The following PTPRT variants were observed in gnomAD, a reference collection of about 807,000 sequenced individuals.
The protein encoded by PTPRT is protein tyrosine phosphatase receptor type T.
PTPRT carries 56 observed loss-of-function variants against 176.8 expected under a neutral mutation model. That is an observed-to-expected ratio of 0.32 (90% CI 0.26 to 0.40). The LOEUF (loss-of-function observed/expected upper bound fraction) is 0.40, where lower values mean the gene tolerates loss of function less well. Among genes scored for constraint, PTPRT ranks in the 10% least tolerant of loss-of-function variants. PTPRT has a pLI of 1.00. For synonymous variants in PTPRT, 783 were observed against 739.0 expected (o/e 1.06, Z -0.96); for missense variants, 1,540 against 1,908.2 (o/e 0.81, Z 3.60).
chr20:42,694,358 A>C (rs1408972469), intron 6 of PTPRT, among the ~76,000 whole-genome samples: 1 of 152,114 alleles, frequency 6.6e-6, no homozygotes, highest in Non-Finnish European at 1.5e-5. Context: ...TTTTGTGTGC[A>C]CGGATAGTTC....
chr20:42,408,008 C>A (rs1202902539), intron 9 of PTPRT, among the ~76,000 whole-genome samples: 1 of 151,976 alleles, frequency 6.6e-6, no homozygotes, highest in Non-Finnish European at 1.5e-5. Flanking sequence ...AAAACATGTC[C>A]TGAACAAATT....
intron 9 of PTPRT, among the ~76,000 whole-genome samples, chr20:42,436,861 C>T (rs1490389671): frequency 6.6e-6 from 1 of 152,196 alleles, no homozygotes; most frequent in Non-Finnish European, 1.5e-5. Context: ...GAATGGACTA[C>T]AGCTGCACTC....
At chr20:42,117,146 T>G (rs1459745453) in intron 21 of PTPRT, among the ~76,000 whole-genome samples, 3 of 152,090 alleles carry the variant, frequency 2.0e-5, no homozygotes, top group Non-Finnish European at 4.4e-5. Context: ...TAGATAAGGG[T>G]GGACTCATGG....
intron 1 of PTPRT, among the ~76,000 whole-genome samples, chr20:43,066,159 C>G (rs2011110176): frequency 6.6e-6 from 1 of 152,140 alleles, no homozygotes; most frequent in African/African-American, 2.4e-5. Context: ...AAACTATACA[C>G]GTGGCAGGTG....
At chr20:42,580,275 G>C (rs1023377126) in intron 7 of PTPRT, among the ~76,000 whole-genome samples, 6 of 152,040 alleles carry the variant, frequency 3.9e-5, no homozygotes, top group Non-Finnish European at 8.8e-5. Context: ...CTCTGTTTTG[G>C]TACCAGTACC....
intron 16 of PTPRT, among the ~76,000 whole-genome samples, chr20:42,188,619 A>T (rs549844089): frequency 2.0e-5 from 3 of 152,282 alleles, no homozygotes; most frequent in African/African-American, 7.2e-5. Context: ...AGCTTTGAGC[A>T]GAGGGGGGGA....
At chr20:42,238,327 G>T (rs910237013) in intron 14 of PTPRT, among the ~76,000 whole-genome samples, 1 of 152,142 alleles carries the variant, frequency 6.6e-6, no homozygotes, top group Non-Finnish European at 1.5e-5. Context: ...TAGGGAAAAT[G>T]AGCCACAGTG....
intron 7 of PTPRT, among the ~76,000 whole-genome samples, chr20:42,491,240 T>C (rs1312754956): frequency 2.0e-5 from 3 of 152,158 alleles, no homozygotes. Context: ...TATCTGATTT[T>C]TCAGTCTGAT....
chr20:42,424,188 A>G (rs1261271681), intron 9 of PTPRT, among the ~76,000 whole-genome samples: 3 of 152,124 alleles, frequency 2.0e-5, no homozygotes, highest in Non-Finnish European at 4.4e-5. Context: ...TGTTCTTGTC[A>G]TGACTTTGGA....
chr20:42,447,732 C>T (rs375297712), intron 9 of PTPRT, among the ~76,000 whole-genome samples: 12 of 152,246 alleles, frequency 7.9e-5, no homozygotes, highest in Middle Eastern at 6.8e-3. Flanking sequence ...GCTTTGGATG[C>T]CATCACCTGG....
chr20:42,482,679 G>A (rs1261683759), intron 7 of PTPRT, among the ~76,000 whole-genome samples: 4 of 152,164 alleles, frequency 2.6e-5, no homozygotes, highest in African/African-American at 7.2e-5. Flanking sequence ...AGAGACTGGA[G>A]GGTTGGGAAA....
chr20:42,485,917 C>T (rs1317375905), intron 7 of PTPRT, among the ~76,000 whole-genome samples: 1 of 152,200 alleles, frequency 6.6e-6, no homozygotes, highest in East Asian at 1.9e-4. Context: ...TGTCGAATCT[C>T]ATTTGGGACT....
intron 2 of PTPRT, among the ~76,000 whole-genome samples, chr20:42,816,853 A>G (rs2077795528): frequency 6.6e-6 from 1 of 152,186 alleles, no homozygotes; most frequent in South Asian, 2.1e-4. Flanking sequence ...ACACTAACCA[A>G]TCATGAAAGG....
chr20:42,194,460 A>G (rs138849784), intron 16 of PTPRT, among the ~76,000 whole-genome samples: 39 of 152,354 alleles, frequency 2.6e-4, no homozygotes, highest in Middle Eastern at 3.4e-3. Context: ...AAATGCCATT[A>G]TGGGAAGAGC....
intron 1 of PTPRT, among the ~76,000 whole-genome samples, chr20:43,154,930 G>A (rs1343422634): frequency 6.6e-6 from 1 of 152,066 alleles, no homozygotes; most frequent in Admixed American, 6.6e-5. Context: ...CATACAAATG[G>A]CCAACGGGTA....
At chr20:43,151,837 C>A (rs1476364119) in intron 1 of PTPRT, among the ~76,000 whole-genome samples, 1 of 151,006 alleles carries the variant, frequency 6.6e-6, no homozygotes, top group Non-Finnish European at 1.5e-5. Flanking sequence ...CACTCCAGCC[C>A]AGGCAACAAG....
At chr20:42,474,522 C>G (rs1304396959) in intron 7 of PTPRT, among the ~76,000 whole-genome samples, 1 of 152,194 alleles carries the variant, frequency 6.6e-6, no homozygotes, top group Non-Finnish European at 1.5e-5. Flanking sequence ...CCCAATTATT[C>G]ATGCTCACAG....
chr20:42,156,325 G>A (rs1989351168), intron 17 of PTPRT, among the ~76,000 whole-genome samples: 1 of 152,160 alleles, frequency 6.6e-6, no homozygotes, highest in Non-Finnish European at 1.5e-5. Flanking sequence ...TTAGTTCCCA[G>A]AGCCTAGTAC....
intron 6 of PTPRT, among the ~76,000 whole-genome samples, chr20:42,719,652 A>C (rs993890098): frequency 6.6e-6 from 1 of 152,228 alleles, no homozygotes; most frequent in Non-Finnish European, 1.5e-5. Flanking sequence ...ATGCATATGA[A>C]GTGTTTAGCA....
Sources: gnomAD v4.1 joint callset for allele counts (sites outside exome capture counted in the v4.1 genomes callset) on GRCh38, gnomAD v4.1.1 for gene constraint, MANE v1.5 for transcripts, NCBI Gene and HGNC (gene_info 2026-07-23, HGNC 2026-07-21) for gene names.